SEPTIN6: variants seen among roughly 807,000 people sequenced by gnomAD.
SEPTIN6 encodes septin 6, also known as septin-6.
A neutral mutation model predicts 33.6 loss-of-function variants in SEPTIN6; 8 were observed. The observed-to-expected ratio is 0.24, with a 90% confidence interval of 0.14 to 0.43. The LOEUF (loss-of-function observed/expected upper bound fraction) is 0.43. SEPTIN6 is among the 20% of genes least tolerant of loss of function. The pLI is 1.00. For missense variants in SEPTIN6, 250 were observed against 340.8 expected (o/e 0.73, Z 2.10); for synonymous variants, 131 against 140.0 (o/e 0.94, Z 0.45).
At chrX:119,626,980 C>CCTA (rs2053866336) in intron 9 of SEPTIN6, among the ~76,000 whole-genome samples, 1 of 111,963 alleles carries the variant, frequency 8.9e-6, no homozygotes, top group Admixed American at 9.5e-5. Flanking sequence ...AGCCACCGTA[C>CCTA]CCGGCCAAGA....
Position 119,644,830 on chromosome X carries a change from G to A in SEPTIN6, c.691-4042C>T, listed in dbSNP as rs753426586. On this transcript the variant is annotated intron_variant, in intron 5 of 10. Transcript: ENST00000394610. Reference sequence around the variant, plus strand: ...CGCACCACTGCACTGCAGCCTGGCCGACAGAGCGAGACTCCATCTCAAAAA... The same window carrying A: ...CGCACCACTGCACTGCAGCCTGGCCAACAGAGCGAGACTCCATCTCAAAAA... Among the ~76,000 whole-genome samples the A allele has an allele frequency of 1.5e-3, 167 of 108,310 alleles. 1 individual carries two copies. The highest frequency in any genetic ancestry group is 0.014 in the Middle Eastern group (3 of 214). The allele number at this position is 108,310 out of a possible 115,157, so 94.1% of individuals were successfully genotyped here. A position where few individuals can be genotyped will look rare whatever the true frequency, so the allele number is the denominator to read the frequency against.
chrX:119,654,943 C>T lies in SEPTIN6; in HGVS notation c.342-1903G>A, dbSNP rs192160471. On this transcript the variant is annotated intron_variant, in intron 3 of 10. Coordinates refer to ENST00000394610, the MANE Select transcript of SEPTIN6 (RefSeq NM_145799.4). ...GGAGTGAGGGTGGGGAATGTATCCC[C>T]TAGGCTTATTTAATTAATTTTTGGA... 1.6e-3 allele frequency among the ~76,000 whole-genome samples: 173 copies of T among 111,572 alleles called. 1 individual carries two copies. Among genetic ancestry groups the T allele is most frequent in the African/African-American group, 5.3e-3 (163 of 30,754 alleles).
intron 5 of SEPTIN6, among the ~76,000 whole-genome samples, chrX:119,644,147 G>A (rs2054202541): frequency 9.0e-6 from 1 of 111,687 alleles, no homozygotes; most frequent in Non-Finnish European, 1.9e-5. Flanking sequence ...ACCCAGGGAA[G>A]AGACTCTGAT....
At chrX:119,616,103 G>C (rs988780517), downstream of SEPTIN6, 20 of 188,336 alleles carry the variant, frequency 1.1e-4, no homozygotes, top group African/African-American at 5.9e-4. Flanking sequence ...AACCCTAACT[G>C]GTCTCGGAAG....
At chrX:119,635,098 G>A (rs1416230641) in intron 7 of SEPTIN6, 1 of 351,783 alleles carries the variant, frequency 2.8e-6, no homozygotes, top group Non-Finnish European at 5.5e-6. Context: ...GGAGCAGTAA[G>A]GGAAGCAGAA....
At chrX:119,622,858 G>A (rs775598732) in intron 10 of SEPTIN6, among the ~76,000 whole-genome samples, 45 of 112,304 alleles carry the variant, frequency 4.0e-4, no homozygotes, top group Non-Finnish European at 7.7e-4. Context: ...TGCAAAGAAT[G>A]GACAGGCATT....
intron 3 of SEPTIN6, among the ~76,000 whole-genome samples, chrX:119,658,714 G>C (rs1221538532): frequency 8.9e-6 from 1 of 112,399 alleles, no homozygotes; most frequent in Non-Finnish European, 1.9e-5. Context: ...TGTTTTTGCA[G>C]ATCTGATGGA....
intron 6 of SEPTIN6, among the ~76,000 whole-genome samples, chrX:119,640,348 T>C (rs1267861835): frequency 9.0e-6 from 1 of 110,993 alleles, no homozygotes; most frequent in Non-Finnish European, 1.9e-5. Flanking sequence ...AATATCTGAA[T>C]TGTTTGTAAT....
chrX:119,676,806 T>C (rs745322814), intron 1 of SEPTIN6, among the ~76,000 whole-genome samples: 1 of 111,618 alleles, frequency 9.0e-6, no homozygotes, highest in African/African-American at 3.3e-5. Context: ...CTCTAGAGCA[T>C]TTTGAGGACC....
At chrX:119,661,422 C>T in intron 3 of SEPTIN6, among the ~76,000 whole-genome samples, 1 of 110,496 alleles carries the variant, frequency 9.1e-6, no homozygotes, top group East Asian at 2.8e-4. Flanking sequence ...CAGAGCGAGA[C>T]TCCGTCTCAA....
At chrX:119,665,523 T>C (rs2054621181) in intron 2 of SEPTIN6, among the ~76,000 whole-genome samples, 1 of 111,810 alleles carries the variant, frequency 8.9e-6, no homozygotes, top group African/African-American at 3.3e-5. Flanking sequence ...GGGAAACCAG[T>C]AGGGGAAAGG....
At chrX:119,690,838 C>G (rs2055160776) in intron 1 of SEPTIN6, among the ~76,000 whole-genome samples, 1 of 110,346 alleles carries the variant, frequency 9.1e-6, no homozygotes, top group African/African-American at 3.3e-5. Context: ...CAAGCAGCAA[C>G]CAGATGTCCA....
chrX:119,655,039 T>A (rs1217111314), intron 3 of SEPTIN6, among the ~76,000 whole-genome samples: 1 of 111,024 alleles, frequency 9.0e-6, no homozygotes, highest in East Asian at 2.8e-4. Context: ...AATTTTTTTT[T>A]ACTTCATTTT....
At chrX:119,687,512 G>T (rs1603352882) in intron 1 of SEPTIN6, among the ~76,000 whole-genome samples, 1 of 111,281 alleles carries the variant, frequency 9.0e-6, no homozygotes, top group Non-Finnish European at 1.9e-5. Context: ...GCCTCCCAAA[G>T]TGCTGGGATT....
At chrX:119,622,881 T>C (rs1167383619) in intron 10 of SEPTIN6, among the ~76,000 whole-genome samples, 2 of 112,521 alleles carry the variant, frequency 1.8e-5, no homozygotes, top group Non-Finnish European at 3.7e-5. Context: ...AGGAACTGAC[T>C]GTCTTCCTAA....
At chrX:119,652,714 C>T (rs2054370065) in intron 4 of SEPTIN6, 140 bp downstream of exon 4, 5 of 505,246 alleles carry the variant, frequency 9.9e-6, no homozygotes, top group Non-Finnish European at 1.6e-5. Context: ...GTGCTGGATC[C>T]GTAACACCAT....
intron 8 of SEPTIN6, among the ~76,000 whole-genome samples, chrX:119,632,370 G>T (rs1490878499): frequency 9.1e-6 from 1 of 109,804 alleles, no homozygotes; most frequent in Non-Finnish European, 1.9e-5. Flanking sequence ...TAATTTTTTT[G>T]TATTTTTAGT....
intron 3 of SEPTIN6, among the ~76,000 whole-genome samples, chrX:119,663,159 T>C (rs903605909): frequency 8.9e-6 from 1 of 112,203 alleles, no homozygotes; most frequent in Non-Finnish European, 1.9e-5. Flanking sequence ...GACTAAGCCA[T>C]TCCTTTTTAG....
intron 1 of SEPTIN6, among the ~76,000 whole-genome samples, chrX:119,678,809 C>T (rs182193851): frequency 9.0e-6 from 1 of 111,085 alleles, no homozygotes; most frequent in Admixed American, 9.6e-5. Flanking sequence ...TGTTATCACC[C>T]CTGGCTGCCT....
Sources: gnomAD v4.1 joint callset for allele counts (sites outside exome capture counted in the v4.1 genomes callset) on GRCh38, gnomAD v4.1.1 for gene constraint, MANE v1.5 for transcripts, NCBI Gene and HGNC (gene_info 2026-07-23, HGNC 2026-07-21) for gene names.